Variants in TRAPPC9 observed in about 807,000 individuals in gnomAD.
TRAPPC9 encodes trafficking protein particle complex subunit 9, also known as IKK2 binding protein.
In TRAPPC9, 83 loss-of-function variants were observed where a neutral mutation model predicts 124.0. That is an observed-to-expected ratio of 0.67 (90% confidence interval 0.56 to 0.80). TRAPPC9 has a LOEUF of 0.80. Ranked by LOEUF, TRAPPC9 falls within the 30% of genes least tolerant of loss-of-function variation. TRAPPC9 has a pLI of 0.00. For missense variants in TRAPPC9, 1,302 were observed against 1,508.3 expected (o/e 0.86, Z 2.27); for synonymous variants, 638 against 617.5 (o/e 1.03, Z -0.49).
intron 17 of TRAPPC9, among the ~76,000 whole-genome samples, chr8:140,191,377 C>T (rs6578078): frequency 0.81 from 122,746 of 152,158 alleles, 49,997 homozygotes; most frequent in East Asian, 0.99. Flanking sequence ...CCAAATCTCA[C>T]GTTGACATGT....
chr8:140,355,640 TG>T (rs960084647), intron 9 of TRAPPC9, among the ~76,000 whole-genome samples: 1 of 151,904 alleles, frequency 6.6e-6, no homozygotes, highest in Non-Finnish European at 1.5e-5. Context: ...ATCACAGCAC[TG>T]GGGGGGAATT....
In TRAPPC9 at chr8:140,097,140, T is replaced by G. The variant is rs1259853989; in HGVS notation, c.2557-73061A>C. 6.6e-6 allele frequency: 1 copy of G among 152,204 alleles called. No homozygotes were observed. Among genetic ancestry groups the G allele is most frequent in the Non-Finnish European group, 1.5e-5 (1 of 68,046 alleles). The allele number at this position is 152,204 out of a possible 1,614,324, so 9.4% of individuals were successfully genotyped here. On this transcript the variant is annotated intron_variant, in intron 17 of 22. Transcript: ENST00000438773. This position sits in a 1 kb window ranked among gnomAD's most constrained non-coding sequence, Gnocchi z 4.2. Reference sequence around the variant, plus strand: ...CTCCTCTACCCGGCTCCAGGTCTGGTTCTCGTGCACTGCTGCAGCAGTGCT... The same window carrying G: ...CTCCTCTACCCGGCTCCAGGTCTGGGTCTCGTGCACTGCTGCAGCAGTGCT...
chr8:139,811,124 GA>G (rs1390217221), intron 21 of TRAPPC9, among the ~76,000 whole-genome samples: 1 of 152,140 alleles, frequency 6.6e-6, no homozygotes, highest in Non-Finnish European at 1.5e-5. Flanking sequence ...ACAGAGATAA[GA>G]AAAGGCAGTC....
In TRAPPC9 at chr8:140,359,963, CA is replaced by C. The variant is rs2067892724; in HGVS notation, c.1495+86del. The C allele has an allele frequency of 5.6e-6, 9 of 1,597,922 alleles. No homozygotes were observed. In the South Asian group the frequency reaches 8.9e-5, roughly 16 times the overall value. ...GCAGCATCTTCCACCCACTGAAACC[CA>C]AGCCCAGGGTTTACATGAACCAGCA... On this transcript the variant is annotated intron_variant, in intron 9 of 22. Coordinates refer to ENST00000438773, the MANE Select transcript of TRAPPC9 (RefSeq NM_001160372.4).
intron 21 of TRAPPC9, 62 bp downstream of exon 21, chr8:139,885,817 C>T (rs1446807095): frequency 8.0e-6 from 12 of 1,491,322 alleles, no homozygotes; most frequent in South Asian, 2.4e-5. Flanking sequence ...AGACCTTGCT[C>T]GTGCATTTGG....
intron 21 of TRAPPC9, among the ~76,000 whole-genome samples, chr8:139,875,336 C>G (rs1243391221): frequency 6.6e-6 from 1 of 152,132 alleles, no homozygotes; most frequent in South Asian, 2.1e-4. Context: ...AGGGTTGCCA[C>G]AGGGACGCAG....
At chr8:140,371,257 T>G in intron 7 of TRAPPC9, 77 bp from the exon 8 acceptor site, 1 of 1,377,566 alleles carries the variant, frequency 7.3e-7, no homozygotes. Flanking sequence ...TAAAAATGTC[T>G]CTTCATAAAA....
At chr8:139,767,716 A>G (rs1201758561) in intron 21 of TRAPPC9, among the ~76,000 whole-genome samples, 1 of 152,360 alleles carries the variant, frequency 6.6e-6, no homozygotes, top group Non-Finnish European at 1.5e-5. Context: ...CAAAGAAGAA[A>G]CGCCAGCCAC....
At chr8:139,861,603 C>T (rs186733131) in intron 21 of TRAPPC9, among the ~76,000 whole-genome samples, 85 of 152,286 alleles carry the variant, frequency 5.6e-4, no homozygotes, top group Admixed American at 2.0e-3. Context: ...AACATACTGA[C>T]GTATTGATTC....
intron 17 of TRAPPC9, among the ~76,000 whole-genome samples, chr8:140,105,296 T>C (rs2060644324): frequency 6.6e-6 from 1 of 152,196 alleles, no homozygotes; most frequent in South Asian, 2.1e-4. Context: ...GATGGATGAA[T>C]TGGTAATTTA....
intron 17 of TRAPPC9, among the ~76,000 whole-genome samples, chr8:140,073,665 T>C (rs1371893962): frequency 2.0e-5 from 3 of 152,224 alleles, no homozygotes; most frequent in East Asian, 3.8e-4. Context: ...TGTGTTTAAA[T>C]GTGTGTAGCT....
intron 18 of TRAPPC9, among the ~76,000 whole-genome samples, chr8:139,996,158 C>CAAAAAAAAA: frequency 1.8e-3 from 34 of 19,418 alleles, no homozygotes; most frequent in South Asian, 3.6e-3. Context: ...AAAACTTAAG[C>CAAAAAAAAA]AAAAAAAAAA....
intron 8 of TRAPPC9, among the ~76,000 whole-genome samples, chr8:140,367,295 T>A (rs1044394150): frequency 9.2e-5 from 14 of 152,228 alleles, no homozygotes; most frequent in Non-Finnish European, 1.6e-4. Context: ...GCTTTACAAT[T>A]GCCAAAACTT....
At chr8:140,037,832 A>G (rs1841004361) in intron 17 of TRAPPC9, among the ~76,000 whole-genome samples, 1 of 138,648 alleles carries the variant, frequency 7.2e-6, no homozygotes, top group African/African-American at 2.6e-5. Flanking sequence ...CATACCCAAC[A>G]CACACCAACA....
At chr8:140,270,379 C>T (rs2064839907) in intron 15 of TRAPPC9, among the ~76,000 whole-genome samples, 1 of 152,232 alleles carries the variant, frequency 6.6e-6, no homozygotes, top group Non-Finnish European at 1.5e-5. Flanking sequence ...AAGGCATGCT[C>T]CCATCAGCCT....
chr8:139,978,876 C>G (rs537519639), intron 19 of TRAPPC9, among the ~76,000 whole-genome samples: 3 of 149,396 alleles, frequency 2.0e-5, no homozygotes, highest in Non-Finnish European at 3.0e-5. Context: ...GATCGCAACG[C>G]GTCTCTGCTC....
At chr8:139,926,629 G>A (rs1215697977) in intron 19 of TRAPPC9, among the ~76,000 whole-genome samples, 1 of 147,084 alleles carries the variant, frequency 6.8e-6, no homozygotes, top group East Asian at 2.0e-4. Flanking sequence ...AAAAACTCCT[G>A]AATAGCTTGA....
At chr8:140,240,971 G>A (rs2063843998) in intron 16 of TRAPPC9, among the ~76,000 whole-genome samples, 1 of 152,200 alleles carries the variant, frequency 6.6e-6, no homozygotes, top group African/African-American at 2.4e-5. Context: ...GCCTACCTGG[G>A]CCTGCCATTC....
intron 21 of TRAPPC9, among the ~76,000 whole-genome samples, chr8:139,751,409 T>C (rs943806981): frequency 2.6e-5 from 4 of 152,202 alleles, no homozygotes; most frequent in African/African-American, 9.7e-5. Flanking sequence ...TCCCTGCTGC[T>C]GGTCCCAGGG....
Sources: gnomAD v4.1 joint callset for allele counts (sites outside exome capture counted in the v4.1 genomes callset) on GRCh38, gnomAD v4.1.1 for gene constraint, Gnocchi (gnomAD v3.1) non-coding constraint, MANE v1.5 for transcripts, NCBI Gene and HGNC (gene_info 2026-07-23, HGNC 2026-07-21) for gene names.